NLRP14: variants seen among roughly 807,000 people sequenced by gnomAD.
The protein encoded by NLRP14 is NLR family pyrin domain containing 14.
NLRP14 carries 105 observed loss-of-function variants against 94.7 expected under a neutral mutation model. The ratio of observed to expected loss-of-function variants is 1.11; its 90% CI spans 0.95 to 1.30. NLRP14 has a LOEUF of 1.30. NLRP14 is among the 50% of genes most tolerant of loss of function. The probability of loss-of-function intolerance (pLI) is 0.00; values close to 1 mark genes in which losing one functional copy is unlikely to be tolerated. For missense variants in NLRP14, 1,362 were observed against 1,254.1 expected (o/e 1.09, Z -1.30); for synonymous variants, 508 against 459.9 (o/e 1.10, Z -1.34).
chr11:7,042,707 A>T lies in NLRP14; in HGVS notation c.681A>T (p.Arg227Ser), dbSNP rs1852277806. 6.2e-7 allele frequency: 1 copy of T among 1,614,088 alleles called. No homozygotes were observed. The highest frequency in any genetic ancestry group is 1.3e-5 in the African/African-American group (1 of 74,930). ...NGREINQLKE[R>S]SFAQLISKDW... ...GAGAAATTAACCAGCTGAAAGAGAGAAGCTTTGCTCAATTGATATCAAAGG... is the reference window on the plus strand; with the variant it reads ...GAGAAATTAACCAGCTGAAAGAGAGTAGCTTTGCTCAATTGATATCAAAGG... Residue 227 changes from arginine (R) to serine (S), a missense_variant, in exon 4 of 12, where the codon AGA becomes AGT. Physicochemically the swap from Arg to Ser is moderately radical, Grantham distance 110 (BLOSUM62 -1). Transcript: ENST00000299481.
At chr11:7,035,271 A>G (rs1161251456) in intron 1 of NLRP14, among the ~76,000 whole-genome samples, 1 of 152,198 alleles carries the variant, frequency 6.6e-6, no homozygotes, top group Non-Finnish European at 1.5e-5. Context: ...GGTTGCAGTG[A>G]GTGGAGATCC....
chr11:7,088,999 G>A, the NLRP14 span: 2 of 1,190,728 alleles, frequency 1.7e-6, no homozygotes, highest in African/African-American at 3.0e-5. Flanking sequence ...CGGTTCCGTG[G>A]ACTCGGCGAC....
In NLRP14 at chr11:7,058,267, C is replaced by G. The variant is rs1479687859; in HGVS notation, c.2463-13C>G. On this transcript the variant is annotated splice_polypyrimidine_tract_variant and intron_variant, in intron 7 of 11. Transcript: ENST00000299481. ...GGAATTGACAGATCTCTTCTCATCT[C>G]TTTCTCTTTCAGCTTAGAAAGCTGT... The G allele has an allele frequency of 6.2e-7, 1 of 1,610,510 alleles. No homozygotes were observed. Among genetic ancestry groups the G allele is most frequent in the African/African-American group, 1.3e-5 (1 of 74,934 alleles).
chr11:7,090,150 G>A, the NLRP14 span: 7 of 1,613,674 alleles, frequency 4.3e-6, no homozygotes, highest in Non-Finnish European at 5.1e-6. Flanking sequence ...ACACCGGGTG[G>A]GCAGACCAGA....
chr11:7,057,992 C>T (rs1852543761), intron 7 of NLRP14, 145 bp downstream of exon 7: 2 of 745,688 alleles, frequency 2.7e-6, no homozygotes, highest in Admixed American at 2.0e-5. Flanking sequence ...CATCCCCCTT[C>T]TCTTCCTCTA....
At chr11:7,054,000 A>G (rs1565021905) in intron 6 of NLRP14, among the ~76,000 whole-genome samples, 1 of 152,064 alleles carries the variant, frequency 6.6e-6, no homozygotes, top group Non-Finnish European at 1.5e-5. Flanking sequence ...CTCTATGTCC[A>G]TGAGATATCT....
Position 7,046,797 on chromosome 11 carries a change from A to T in NLRP14, c.2088A>T (p.Glu696Asp). 2 of 1,613,824 alleles carry T rather than the reference A, an allele frequency of 1.2e-6. No individual in the cohort carries two copies. Among genetic ancestry groups the T allele is most frequent in the Non-Finnish European group, 1.7e-6 (2 of 1,179,728 alleles). ...DKSAMNILHH[E>D]LRHPNCKLQK... ...CAGCAATGAATATCCTGCATCATGA[A>T]CTAAGGCACCCAAACTGTAAACTAC... The change falls in exon 5 of 12, where the codon GAA (glutamate) becomes GAT (aspartate). Residue 696 changes from glutamate to aspartate, a missense_variant. Coordinates refer to ENST00000299481, the MANE Select transcript of NLRP14 (RefSeq NM_176822.4).
intron 6 of NLRP14, among the ~76,000 whole-genome samples, chr11:7,051,687 G>T (rs192243702): frequency 1.3e-5 from 2 of 152,246 alleles, no homozygotes; most frequent in East Asian, 3.9e-4. Flanking sequence ...TGCGATCTCG[G>T]CTCACTGCAG....
intron 1 of NLRP14, among the ~76,000 whole-genome samples, chr11:7,023,040 G>A (rs951751958): frequency 4.0e-5 from 6 of 151,888 alleles, no homozygotes; most frequent in African/African-American, 1.5e-4. Context: ...TAAACATAAT[G>A]GTGATTAATA....
At chr11:7,081,409 G>A in the NLRP14 span, among the ~76,000 whole-genome samples, 1 of 152,086 alleles carries the variant, frequency 6.6e-6, no homozygotes, top group Non-Finnish European at 1.5e-5. Context: ...ATTTTGAGCT[G>A]CTGAAAGGCT....
chr11:7,026,244 G>A (rs994396815), intron 1 of NLRP14, among the ~76,000 whole-genome samples: 10 of 152,108 alleles, frequency 6.6e-5, no homozygotes, highest in African/African-American at 1.2e-4. Context: ...GAAAATTTTC[G>A]CAACCTACTC....
At chr11:7,089,297 C>A in the NLRP14 span, 1 of 1,606,476 alleles carries the variant, frequency 6.2e-7, no homozygotes, top group East Asian at 2.3e-5. Context: ...TTGAAAGCCC[C>A]GCAGACGCCA....
chr11:7,038,537 G>T, intron 1 of NLRP14, 29 bp from the exon 2 acceptor site: 1 of 1,544,380 alleles, frequency 6.5e-7, no homozygotes, highest in Non-Finnish European at 8.9e-7. Context: ...TATTCCATGT[G>T]CTTTTGGTTA....
At chr11:7,060,116 G>T in intron 9 of NLRP14, 52 bp downstream of exon 9, 1 of 1,460,704 alleles carries the variant, frequency 6.8e-7, no homozygotes, top group Non-Finnish European at 9.6e-7. Context: ...AGAGTGTCTG[G>T]GGAGATACTG....
At chr11:7,028,565 C>A (rs1852046870) in intron 1 of NLRP14, among the ~76,000 whole-genome samples, 1 of 152,122 alleles carries the variant, frequency 6.6e-6, no homozygotes, top group African/African-American at 2.4e-5. Flanking sequence ...TTGCCCAAAA[C>A]CCTCAGCTGG....
chr11:7,046,456 G>C (rs1184560782), intron 4 of NLRP14, among the ~76,000 whole-genome samples: 1 of 152,148 alleles, frequency 6.6e-6, no homozygotes, highest in Non-Finnish European at 1.5e-5. Flanking sequence ...GTTGAAGGGA[G>C]TGGATGGGAA....
chr11:7,078,462 A>ACAAAAAAAAAAAAG, the NLRP14 span, among the ~76,000 whole-genome samples: 1 of 88,482 alleles, frequency 1.1e-5, no homozygotes, highest in Non-Finnish European at 2.0e-5. Context: ...AAAAAAAAAA[A>ACAAAAAAAAAAAAG]CAAAAAAATT....
At chr11:7,088,625 CTTG>C in the NLRP14 span, among the ~76,000 whole-genome samples, 1 of 151,980 alleles carries the variant, frequency 6.6e-6, no homozygotes, top group African/African-American at 2.4e-5. Context: ...AAAATTTAAA[CTTG>C]TTAACTGTTA....
chr11:7,078,307 G>T, the NLRP14 span, among the ~76,000 whole-genome samples: 1 of 151,058 alleles, frequency 6.6e-6, no homozygotes, highest in Non-Finnish European at 1.5e-5. Context: ...GCATGATGGC[G>T]GGCACCTGTA....
Sources: allele counts gnomAD v4.1 joint callset (sites outside exome capture counted in the v4.1 genomes callset), GRCh38; gene constraint gnomAD v4.1.1; transcripts MANE v1.5; gene names NCBI Gene and HGNC (gene_info 2026-07-23, HGNC 2026-07-21).